Variants in FUT8 observed in about 807,000 individuals in gnomAD.
The protein encoded by FUT8 is fucosyltransferase 8, also known as alpha-(1,6)-fucosyltransferase.
A neutral mutation model predicts 71.3 loss-of-function variants in FUT8; 29 were observed. The observed-to-expected ratio is 0.41, with a 90% CI of 0.30 to 0.55. FUT8 has a LOEUF of 0.55. Ranked by LOEUF, FUT8 falls within the 20% of genes least tolerant of loss-of-function variation. The pLI is 0.34. For synonymous variants in FUT8, 254 were observed against 239.3 expected (o/e 1.06, Z -0.57); for missense variants, 544 against 702.1 (o/e 0.77, Z 2.55).
At position 65,416,570 on chromosome 14, in the gene FUT8, A is replaced by G. The variant is rs186870777; in HGVS notation, c.-326+3356A>G. Among the ~76,000 whole-genome samples, 299 of 152,252 alleles carry G rather than the reference A, an allele frequency of 2.0e-3. 2 individuals carry two copies. The highest frequency in any genetic ancestry group is 4.0e-3 in the Admixed American group (61 of 15,304). On this transcript the variant is annotated intron_variant, in intron 1 of 10. Transcript: ENST00000673929. ...CATCCTCTTATTGATTCTCTGGCTC[A>G]TATTTCACTACCGTATAGTATGGAG...
chr14:65,648,667 T>G (rs1187399897), intron 6 of FUT8, among the ~76,000 whole-genome samples: 1 of 152,248 alleles, frequency 6.6e-6, no homozygotes, highest in Admixed American at 6.5e-5. Flanking sequence ...CAATTTATTC[T>G]GACTAATATC....
chr14:65,526,466 G>A (rs1217896196), intron 2 of FUT8, among the ~76,000 whole-genome samples: 1 of 152,090 alleles, frequency 6.6e-6, no homozygotes, highest in African/African-American at 2.4e-5. Context: ...CTCTTCATGT[G>A]AGACAGGTCT....
chr14:65,400,294 T>C, the FUT8 span, among the ~76,000 whole-genome samples: 1 of 152,314 alleles, frequency 6.6e-6, no homozygotes, highest in Non-Finnish European at 1.5e-5. Context: ...ATCAAGTTCT[T>C]CAAAATTTTT....
intron 7 of FUT8, among the ~76,000 whole-genome samples, chr14:65,676,676 C>T (rs1316051974): frequency 1.4e-5 from 2 of 143,244 alleles, no homozygotes; most frequent in Non-Finnish European, 3.0e-5. Context: ...CTGTTTTCCT[C>T]AGACATACTT....
At chr14:65,481,687 GT>G (rs567062781) in intron 2 of FUT8, among the ~76,000 whole-genome samples, 2 of 151,462 alleles carry the variant, frequency 1.3e-5, no homozygotes, top group East Asian at 1.9e-4. Context: ...CTTTTCTAAA[GT>G]TTTTTTTTAA....
intron 1 of FUT8, among the ~76,000 whole-genome samples, chr14:65,439,987 T>TACAC (rs1555361016): frequency 7.2e-6 from 1 of 138,082 alleles, no homozygotes; most frequent in African/African-American, 2.7e-5. Flanking sequence ...TATATATATA[T>TACAC]ATATGTACAC....
the FUT8 span, among the ~76,000 whole-genome samples, chr14:65,362,989 G>A: frequency 4.9e-5 from 6 of 122,174 alleles, no homozygotes; most frequent in Non-Finnish European, 6.7e-5. Flanking sequence ...AAAAAGAGAA[G>A]AAATTCTGTC....
chr14:65,659,712 C>T (rs191647530), intron 6 of FUT8, among the ~76,000 whole-genome samples: 4 of 152,056 alleles, frequency 2.6e-5, no homozygotes, highest in South Asian at 2.1e-4. Context: ...TTCTCTCGTC[C>T]GCCTTTCTTC....
intron 2 of FUT8, among the ~76,000 whole-genome samples, chr14:65,493,325 G>T (rs1481778875): frequency 5.9e-5 from 9 of 152,046 alleles, no homozygotes; most frequent in Admixed American, 4.6e-4. Context: ...ATGGGCTCCA[G>T]TATTTGGAGT....
intron 9 of FUT8, among the ~76,000 whole-genome samples, chr14:65,730,087 T>G (rs1225977127): frequency 6.6e-6 from 1 of 152,200 alleles, no homozygotes; most frequent in Non-Finnish European, 1.5e-5. Flanking sequence ...TGCCATTGTT[T>G]TAAGAGACCA....
rs1352176415 is a variant in FUT8 at position 65,603,669 on chromosome 14, TA to T, written c.204-12308del. ...AATCTTGCTAATGCTCTATCAATTT[TA>T]TTTATCTTTTCAAAAGAACAAAAAT... On this transcript the variant is annotated intron_variant, in intron 3 of 10. Coordinates refer to ENST00000673929, the MANE Select transcript of FUT8 (RefSeq NM_001371533.1). This position sits in a 1 kb window ranked among gnomAD's most constrained non-coding sequence, Gnocchi z 4.5. Among the ~76,000 whole-genome samples the T allele has an allele frequency of 3.3e-5, 5 of 151,776 alleles. No homozygotes were observed. Among genetic ancestry groups the T allele is most frequent in the African/African-American group, 1.2e-4 (5 of 41,372 alleles).
In FUT8 at chr14:65,603,103, T is replaced by G. The variant is rs1476635969; in HGVS notation, c.204-12875T>G. ...TTCCGATGTTATTTTCTAGATTTTT[T>G]TATAGTTTCAGGTCTTAGATTTAAG... On this transcript the variant is annotated intron_variant, in intron 3 of 10. Transcript: ENST00000673929. This position sits in a 1 kb window ranked among gnomAD's most constrained non-coding sequence, Gnocchi z 4.5. 2.0e-5 allele frequency among the ~76,000 whole-genome samples: 3 copies of G among 151,980 alleles called. No individual in the cohort carries two copies. Among genetic ancestry groups the G allele is most frequent in the African/African-American group, 7.2e-5 (3 of 41,418 alleles).
At position 65,659,869 on chromosome 14, in the gene FUT8, A is replaced by C. The variant is rs151165459; in HGVS notation, c.598-9374A>C. Among the ~76,000 whole-genome samples, 488 of 152,266 alleles carry C rather than the reference A, an allele frequency of 3.2e-3. 3 individuals are homozygous for C. The highest frequency in any genetic ancestry group is 0.011 in the African/African-American group (474 of 41,552). Reference sequence around the variant, plus strand: ...ATTCTGTCAACTAAAATGATGACGGAGGACCTTTCTAAAATTCAATCTTAA... The same window carrying C: ...ATTCTGTCAACTAAAATGATGACGGCGGACCTTTCTAAAATTCAATCTTAA... On this transcript the variant is annotated intron_variant, in intron 6 of 10. Coordinates refer to ENST00000673929, the MANE Select transcript of FUT8 (RefSeq NM_001371533.1).
rs532033620 is a variant in FUT8, at chr14:65,661,910, A to G, written c.598-7333A>G. Reference sequence around the variant, plus strand: ...CTAAGTAAAATATCTCAGCGTTATGATGGTGTGTTTACTGAATTAGTAATC... The same window carrying G: ...CTAAGTAAAATATCTCAGCGTTATGGTGGTGTGTTTACTGAATTAGTAATC... On this transcript the variant is annotated intron_variant, in intron 6 of 10. Coordinates refer to ENST00000673929, the MANE Select transcript of FUT8 (RefSeq NM_001371533.1). 3.5e-3 allele frequency among the ~76,000 whole-genome samples: 526 copies of G among 152,302 alleles called. 2 individuals are homozygous for G. The highest frequency in any genetic ancestry group is 0.012 in the African/African-American group (498 of 41,568).
intron 3 of FUT8, among the ~76,000 whole-genome samples, chr14:65,612,875 T>C (rs1448832500): frequency 1.3e-5 from 2 of 152,196 alleles, no homozygotes; most frequent in Non-Finnish European, 2.9e-5. Context: ...GAAGTGGAAG[T>C]CTTATATATC....
intron 7 of FUT8, among the ~76,000 whole-genome samples, chr14:65,673,028 A>C (rs1892543775): frequency 6.6e-6 from 1 of 152,236 alleles, no homozygotes; most frequent in Non-Finnish European, 1.5e-5. Flanking sequence ...TACATAAGTT[A>C]AACTGAATTC....
chr14:65,537,547 C>T (rs1884403974), intron 2 of FUT8, among the ~76,000 whole-genome samples: 1 of 151,944 alleles, frequency 6.6e-6, no homozygotes, highest in African/African-American at 2.4e-5. Context: ...GCCACCACGC[C>T]CGGCTAATTT....
chr14:65,412,119 C>T (rs957910781), upstream of FUT8: 1 of 455,276 alleles, frequency 2.2e-6, no homozygotes, highest in African/African-American at 2.0e-5. Context: ...GCATCGAACT[C>T]AGGCCCTCGT....
intron 1 of FUT8, among the ~76,000 whole-genome samples, chr14:65,426,670 G>A (rs1359310147): frequency 6.6e-6 from 1 of 152,120 alleles, no homozygotes. Context: ...AATTTCATCT[G>A]CTTTTAAGAA....
Sources: gnomAD v4.1 joint callset for allele counts (sites outside exome capture counted in the v4.1 genomes callset) on GRCh38, gnomAD v4.1.1 for gene constraint, Gnocchi (gnomAD v3.1) non-coding constraint, MANE v1.5 for transcripts, NCBI Gene and HGNC (gene_info 2026-07-23, HGNC 2026-07-21) for gene names.